The following MCUB variants were observed in gnomAD, a reference collection of about 807,000 sequenced individuals.
MCUB encodes the protein calcium uniporter regulatory subunit MCUb, mitochondrial.
A neutral mutation model predicts 41.4 loss-of-function variants in MCUB; 46 were observed. The ratio of observed to expected loss-of-function variants is 1.11; its 90% CI spans 0.88 to 1.42. The LOEUF (loss-of-function observed/expected upper bound fraction) is 1.42, where lower values mean the gene tolerates loss of function less well. MCUB is among the 40% of genes most tolerant of loss of function. MCUB has a pLI of 0.00. For synonymous variants in MCUB, 148 were observed against 148.2 expected (o/e 1.00, Z 0.01); for missense variants, 403 against 404.9 (o/e 1.00, Z 0.04).
intron 1 of MCUB, among the ~76,000 whole-genome samples, chr4:109,657,779 A>G (rs561379273): frequency 2.6e-5 from 4 of 152,360 alleles, no homozygotes; most frequent in South Asian, 2.1e-4. Context: ...ACAAACACCA[A>G]TGCAAGCCCC....
intron 1 of MCUB, among the ~76,000 whole-genome samples, chr4:109,576,403 AGACAT>A (rs1727030006): frequency 1.3e-5 from 2 of 152,342 alleles, no homozygotes; most frequent in South Asian, 2.1e-4. Context: ...AATGGGTAAA[AGACAT>A]GAGTGGTTTT....
At chr4:109,601,240 A>G (rs1727726376) in intron 1 of MCUB, among the ~76,000 whole-genome samples, 2 of 152,162 alleles carry the variant, frequency 1.3e-5, no homozygotes, top group Non-Finnish European at 2.9e-5. Context: ...CCATCCCCTC[A>G]AGCATTGATT....
chr4:109,633,275 AT>A (rs1214491074), intron 1 of MCUB, among the ~76,000 whole-genome samples: 6 of 150,282 alleles, frequency 4.0e-5, no homozygotes, highest in Non-Finnish European at 7.4e-5. Flanking sequence ...AATTATTATT[AT>A]TTTTTTTTTG....
chr4:109,579,255 C>CT (rs34828788), intron 1 of MCUB, among the ~76,000 whole-genome samples: 53,367 of 147,246 alleles, frequency 0.36, 11,333 homozygotes, highest in South Asian at 0.58. Context: ...TTAAACCTCA[C>CT]TTTTTTTTTT....
intron 1 of MCUB, among the ~76,000 whole-genome samples, chr4:109,584,533 A>T (rs539166143): frequency 2.0e-5 from 3 of 152,030 alleles, no homozygotes; most frequent in South Asian, 4.2e-4. Context: ...TAGTTATTTT[A>T]ATTGTGATGT....
At chr4:109,672,209 C>A (rs1482005132) in intron 4 of MCUB, among the ~76,000 whole-genome samples, 1 of 152,128 alleles carries the variant, frequency 6.6e-6, no homozygotes, top group East Asian at 1.9e-4. Context: ...GCCCTTTCTC[C>A]AAGCCAGATA....
At chr4:109,636,757 C>T (rs1194162972) in intron 1 of MCUB, among the ~76,000 whole-genome samples, 2 of 152,174 alleles carry the variant, frequency 1.3e-5, no homozygotes, top group South Asian at 2.1e-4. Context: ...ATCGCTTGAA[C>T]CTGGGAGGCG....
rs181064203 is a variant in MCUB, at chr4:109,592,345, G to A, written c.99+31909G>A. Among the ~76,000 whole-genome samples, 761 of 152,062 alleles carry A rather than the reference G, an allele frequency of 5.0e-3. 6 individuals carry two copies. Among genetic ancestry groups the A allele is most frequent in the African/African-American group, 0.018 (732 of 41,484 alleles). On this transcript the variant is annotated intron_variant, in intron 1 of 7. Transcript: ENST00000394650. Reference sequence around the variant, plus strand: ...GAATTGCTTGAACCCGGGAGGTGGAGGTTGCAGTGAGCTGAGATCATGCCA... The same window carrying A: ...GAATTGCTTGAACCCGGGAGGTGGAAGTTGCAGTGAGCTGAGATCATGCCA...
rs1207872901 is a variant in MCUB at position 109,577,857 on chromosome 4, G to A, written c.99+17421G>A. On this transcript the variant is annotated intron_variant, in intron 1 of 7. Coordinates refer to ENST00000394650, the MANE Select transcript of MCUB (RefSeq NM_017918.5). ...GATCTCCTGACCTCGTGATCCGCCC[G>A]CCTCGGCCTCCCAAAGTGCTGGGAT... is the stretch of plus-strand genomic sequence containing the variant. Among the ~76,000 whole-genome samples, 13 of 28,832 alleles carry A rather than the reference G, an allele frequency of 4.5e-4. 4 individuals carry two copies. Among genetic ancestry groups the A allele is most frequent in the Non-Finnish European group, 9.0e-4 (11 of 12,174 alleles). The allele number at this position is 28,832 out of a possible 152,430, so 18.9% of individuals were successfully genotyped here.
Position 109,660,368 on chromosome 4 carries a change from A to G in MCUB, c.346+3A>G. ...AACTGCAGCCATCTTCACAGCAGGT[A>G]TATATGTATATAATTTTACAACTTT... On this transcript the variant is annotated splice_donor_region_variant and intron_variant, in intron 3 of 7. Transcript: ENST00000394650. 1 of 1,552,274 alleles carries G rather than the reference A, an allele frequency of 6.4e-7. No homozygotes were observed. The highest frequency in any genetic ancestry group is 8.8e-7 in the Non-Finnish European group (1 of 1,132,528).
intron 1 of MCUB, among the ~76,000 whole-genome samples, chr4:109,619,026 G>GCCTA (rs1431170129): frequency 4.7e-5 from 6 of 128,736 alleles, no homozygotes; most frequent in African/African-American, 1.6e-4. Flanking sequence ...CTATCTACCT[G>GCCTA]CCTGCCTACC....
At chr4:109,639,646 C>T (rs369201338) in intron 1 of MCUB, among the ~76,000 whole-genome samples, 1 of 152,088 alleles carries the variant, frequency 6.6e-6, no homozygotes, top group Non-Finnish European at 1.5e-5. Context: ...GAGATCATGC[C>T]GTTGCACTAC....
intron 1 of MCUB, among the ~76,000 whole-genome samples, chr4:109,577,945 T>C (rs945724501): frequency 6.6e-6 from 1 of 152,150 alleles, no homozygotes; most frequent in African/African-American, 2.4e-5. Flanking sequence ...TGAGATTAAA[T>C]ATTAAAAGGG....
intron 4 of MCUB, among the ~76,000 whole-genome samples, chr4:109,679,096 C>T (rs1043062961): frequency 1.9e-4 from 28 of 146,614 alleles, no homozygotes; most frequent in African/African-American, 3.8e-4. Flanking sequence ...TAGGGGCAGC[C>T]GGGCAGAGGC....
intron 1 of MCUB, among the ~76,000 whole-genome samples, chr4:109,603,305 C>G (rs187323318): frequency 1.1e-4 from 16 of 152,306 alleles, no homozygotes; most frequent in Non-Finnish European, 2.1e-4. Context: ...CTGTGTTGGC[C>G]GGGCTGGTCT....
At chr4:109,582,921 T>C (rs1727217387) in intron 1 of MCUB, among the ~76,000 whole-genome samples, 1 of 152,184 alleles carries the variant, frequency 6.6e-6, no homozygotes, top group Non-Finnish European at 1.5e-5. Context: ...CATGGGTCTA[T>C]GTATCTGTTT....
intron 1 of MCUB, among the ~76,000 whole-genome samples, chr4:109,608,566 C>A (rs1308834735): frequency 6.6e-6 from 1 of 152,148 alleles, no homozygotes; most frequent in Non-Finnish European, 1.5e-5. Flanking sequence ...TGGCTCACTG[C>A]AGCCATGACC....
chr4:109,565,461 G>C (rs1467936163), intron 1 of MCUB, among the ~76,000 whole-genome samples: 9 of 152,112 alleles, frequency 5.9e-5, no homozygotes. Context: ...TTTTTTCAAA[G>C]GTATGCCAAT....
At chr4:109,597,514 C>A (rs1727594202) in intron 1 of MCUB, among the ~76,000 whole-genome samples, 1 of 129,546 alleles carries the variant, frequency 7.7e-6, no homozygotes, top group Non-Finnish European at 1.6e-5. Flanking sequence ...GGGGGCTGAC[C>A]CCCCCACCTC....
Sources: gnomAD v4.1 joint callset for allele counts (sites outside exome capture counted in the v4.1 genomes callset) on GRCh38, gnomAD v4.1.1 for gene constraint, MANE v1.5 for transcripts, NCBI Gene and HGNC (gene_info 2026-07-23, HGNC 2026-07-21) for gene names.